ZBBX: variants seen among roughly 807,000 people sequenced by gnomAD.
ZBBX encodes zinc finger B-box domain-containing protein 1.
A neutral mutation model predicts 108.5 loss-of-function variants in ZBBX; 101 were observed. The observed-to-expected ratio is 0.93, with a 90% CI of 0.79 to 1.10. The LOEUF (loss-of-function observed/expected upper bound fraction) is 1.10, where lower values mean the gene tolerates loss of function less well. Ranked by LOEUF, ZBBX falls within the 50% of genes least tolerant of loss-of-function variation. The pLI, the probability that ZBBX is intolerant of heterozygous loss-of-function variation, is 0.00. For missense variants in ZBBX, 1,009 were observed against 941.4 expected, an observed-to-expected ratio of 1.07 and a Z score of -0.94; for synonymous variants, 356 against 323.4, an observed-to-expected ratio of 1.10 and a Z score of -1.08.
chr3:167,324,935 C>A (rs554061561), intron 11 of ZBBX, among the ~76,000 whole-genome samples: 1 of 152,252 alleles, frequency 6.6e-6, no homozygotes, highest in East Asian at 1.9e-4. Flanking sequence ...ATTACAGCAT[C>A]TCAATCTCAT....
At chr3:167,229,419 C>T in the ZBBX span, among the ~76,000 whole-genome samples, 1 of 151,820 alleles carries the variant, frequency 6.6e-6, no homozygotes, top group Non-Finnish European at 1.5e-5. Flanking sequence ...TTGCTTGAGG[C>T]AGAATTCATA....
chr3:167,350,580 T>C (rs1324940143), intron 8 of ZBBX, 65 bp from the exon 9 acceptor site: 7 of 1,125,146 alleles, frequency 6.2e-6, no homozygotes, highest in Non-Finnish European at 7.5e-6. Flanking sequence ...AGAAAGTGTT[T>C]GCATAAAGAT....
In ZBBX at chr3:167,242,548, T is replaced by TA; in HGVS notation, c.2349dup (p.Lys784Ter). 1 of 1,613,526 alleles carries TA rather than the reference T, an allele frequency of 6.2e-7. No homozygotes were observed. The highest frequency in any genetic ancestry group is 1.1e-5 in the South Asian group (1 of 91,020). On this transcript the variant is annotated frameshift_variant, in exon 21 of 22. Coordinates refer to ENST00000675490, the MANE Select transcript of ZBBX (RefSeq NM_001199201.2). LOFTEE classifies it low-confidence loss of function (END_TRUNC). ...CAGGGACCCCTCACATGTGAGGTCT[T>TA]AAGGAAATCTGTGGAAATCTGACTT...
the ZBBX span, among the ~76,000 whole-genome samples, chr3:167,185,276 G>C: frequency 1.3e-5 from 2 of 152,118 alleles, no homozygotes; most frequent in Non-Finnish European, 2.9e-5. Context: ...GACCCAAGAA[G>C]CTATGTATAT....
the ZBBX span, among the ~76,000 whole-genome samples, chr3:167,203,717 C>T: frequency 6.6e-6 from 1 of 151,940 alleles, no homozygotes; most frequent in East Asian, 1.9e-4. Flanking sequence ...AATTATCTTC[C>T]TGTTGTATTT....
chr3:167,340,024 G>C (rs1466823980), intron 9 of ZBBX, among the ~76,000 whole-genome samples: 1 of 151,972 alleles, frequency 6.6e-6, no homozygotes, highest in African/African-American at 2.4e-5. Flanking sequence ...GAAGAATTAT[G>C]CTTTAATTTA....
chr3:167,204,592 T>C, the ZBBX span, among the ~76,000 whole-genome samples: 36 of 149,966 alleles, frequency 2.4e-4, no homozygotes, highest in Non-Finnish European at 4.7e-4. Flanking sequence ...TATGGCTGCA[T>C]AGTATTCCAT....
the ZBBX span, among the ~76,000 whole-genome samples, chr3:167,180,566 G>T: frequency 6.6e-6 from 1 of 152,186 alleles, no homozygotes; most frequent in South Asian, 2.1e-4. Context: ...GCAGCACAAA[G>T]TATATCCTCC....
At chr3:167,311,794 G>C (rs967567139) in intron 16 of ZBBX, among the ~76,000 whole-genome samples, 1 of 152,108 alleles carries the variant, frequency 6.6e-6, no homozygotes, top group South Asian at 2.1e-4. Context: ...TGATGGTGAG[G>C]ATATGGAGTA....
intron 8 of ZBBX, among the ~76,000 whole-genome samples, chr3:167,355,046 CAA>C (rs1345065655): frequency 1.3e-5 from 2 of 151,938 alleles, no homozygotes. Flanking sequence ...GATGCTTCCT[CAA>C]TGATGGAATA....
At chr3:167,202,124 A>G in the ZBBX span, among the ~76,000 whole-genome samples, 1 of 152,132 alleles carries the variant, frequency 6.6e-6, no homozygotes, top group Non-Finnish European at 1.5e-5. Flanking sequence ...TCTGAGGCAT[A>G]ATAATGTTAC....
chr3:167,392,352 T>C (rs1282692847), intron 1 of ZBBX, among the ~76,000 whole-genome samples: 4 of 151,920 alleles, frequency 2.6e-5, no homozygotes, highest in Non-Finnish European at 4.4e-5. Context: ...TTAATAAATA[T>C]GCTGTAAACA....
At chr3:167,318,266 A>T (rs1735802673) in intron 12 of ZBBX, among the ~76,000 whole-genome samples, 1 of 151,996 alleles carries the variant, frequency 6.6e-6, no homozygotes, top group African/African-American at 2.4e-5. Flanking sequence ...ATACCATGCA[A>T]GTTCATAAAG....
chr3:167,180,455 G>GA, the ZBBX span, among the ~76,000 whole-genome samples: 1 of 152,210 alleles, frequency 6.6e-6, no homozygotes, highest in African/African-American at 2.4e-5. Flanking sequence ...TAGGAGTAAG[G>GA]AGTAGTAGTC....
the ZBBX span, among the ~76,000 whole-genome samples, chr3:167,201,174 T>C: frequency 6.6e-6 from 1 of 152,144 alleles, no homozygotes; most frequent in Non-Finnish European, 1.5e-5. Context: ...AAGTAAAATA[T>C]AGATCCAAAT....
At chr3:167,396,097 A>G (rs1362483649) in intron 1 of ZBBX, among the ~76,000 whole-genome samples, 2 of 151,984 alleles carry the variant, frequency 1.3e-5, no homozygotes, top group Non-Finnish European at 2.9e-5. Flanking sequence ...CTAGTGCTCA[A>G]TCTAATCCAT....
intron 20 of ZBBX, among the ~76,000 whole-genome samples, chr3:167,264,155 T>A (rs1725072320): frequency 6.6e-6 from 1 of 152,224 alleles, no homozygotes; most frequent in African/African-American, 2.4e-5. Flanking sequence ...TATTTTTCCA[T>A]CCATTCAGCC....
intron 17 of ZBBX, among the ~76,000 whole-genome samples, chr3:167,302,572 T>G (rs1354392027): frequency 6.6e-6 from 1 of 152,134 alleles, no homozygotes; most frequent in Admixed American, 6.5e-5. Flanking sequence ...TCTAATTACT[T>G]ATATGATTGG....
intron 18 of ZBBX, 65 bp downstream of exon 18, chr3:167,298,240 C>A: frequency 1.6e-6 from 2 of 1,277,226 alleles, no homozygotes; most frequent in Non-Finnish European, 1.1e-6. Flanking sequence ...ATCCATTGAA[C>A]AGAATTGCTC....
Sources: gnomAD v4.1 joint callset for allele counts (sites outside exome capture counted in the v4.1 genomes callset) on GRCh38, gnomAD v4.1.1 for gene constraint, MANE v1.5 for transcripts, NCBI Gene and HGNC (gene_info 2026-07-23, HGNC 2026-07-21) for gene names.